The following PTPRU variants were observed in gnomAD, a reference collection of about 807,000 sequenced individuals.
PTPRU encodes the protein receptor-type tyrosine-protein phosphatase U.
PTPRU carries 69 observed loss-of-function variants against 166.3 expected under a neutral mutation model. The observed-to-expected ratio is 0.41, with a 90% CI of 0.34 to 0.51. The LOEUF (loss-of-function observed/expected upper bound fraction) is 0.51, where lower values mean the gene tolerates loss of function less well. PTPRU is among the 20% of genes least tolerant of loss of function. PTPRU has a pLI of 0.09. For missense variants in PTPRU, 1,657 were observed against 2,013.7 expected (o/e 0.82, Z 3.39); for synonymous variants, 793 against 814.0 (o/e 0.97, Z 0.44).
chr1:29,236,557 C>T lies in PTPRU; in HGVS notation c.-88C>T. The T allele has an allele frequency of 2.9e-6, 3 of 1,032,950 alleles. No homozygotes were observed. Among genetic ancestry groups the T allele is most frequent in the Non-Finnish European group, 3.6e-6 (3 of 830,124 alleles). The allele number at this position is 1,032,950 out of a possible 1,614,324, so 64.0% of individuals were successfully genotyped here. A position where few individuals can be genotyped will look rare whatever the true frequency, so the allele number is the denominator to read the frequency against. On this transcript the variant is annotated 5_prime_UTR_variant, in exon 1 of 30. Transcript: ENST00000373779. The surrounding 1 kb of genome is among the most constrained non-coding windows in gnomAD (Gnocchi z 4.6). ...CGCGCCGCGCCGCTCCGCTCCGGCT[C>T]GGGCTCCGGCTCGCCTCGGGCTGGG...
In PTPRU at chr1:29,267,240, A is replaced by G. The variant is rs536606395; in HGVS notation, c.1144+6337A>G. ...CAAGATCTTATCTAGAGACAAACAAACCAGCAATACAAAAAACTCCAGTGT... is the reference window on the plus strand; with the variant it reads ...CAAGATCTTATCTAGAGACAAACAAGCCAGCAATACAAAAAACTCCAGTGT... On this transcript the variant is annotated intron_variant, in intron 7 of 29. Transcript: ENST00000373779. Among the ~76,000 whole-genome samples the G allele has an allele frequency of 6.3e-4, 96 of 152,244 alleles. 3 individuals carry two copies. The South Asian group carries it at 0.019, about 31-fold the overall frequency.
rs1684964678 is a variant in PTPRU at position 29,259,888 on chromosome 1, GT to G, written c.695del (p.Val232GlyfsTer23). On this transcript the variant is annotated frameshift_variant, in exon 6 of 30. Transcript: ENST00000373779. LOFTEE classifies it high-confidence loss of function. The part of the protein sequence containing the change: ...FLLQRQSGAL[V>X]PAAGVRHISH... ...CCTGCAGCGGCAGAGCGGGGCGCTG[GT>G]GCCGGCGGCGGGCGTGCGGCACATC... 1.3e-6 allele frequency: 2 copies of G among 1,531,536 alleles called. No homozygotes were observed. The highest frequency in any genetic ancestry group is 1.7e-6 in the Non-Finnish European group (2 of 1,145,484). The allele number at this position is 1,531,536 out of a possible 1,614,324, so 94.9% of individuals were successfully genotyped here. A position where few individuals can be genotyped will look rare whatever the true frequency, so the allele number is the denominator to read the frequency against.
intron 15 of PTPRU, among the ~76,000 whole-genome samples, chr1:29,302,751 A>C (rs1687194163): frequency 6.6e-6 from 1 of 152,048 alleles, no homozygotes; most frequent in Non-Finnish European, 1.5e-5. Context: ...GGGTTTCACC[A>C]TGTTGGCCAG....
At chr1:29,325,447 G>T (rs769120138) in intron 29 of PTPRU, 121 bp downstream of exon 29, 1 of 1,515,472 alleles carries the variant, frequency 6.6e-7, no homozygotes, top group Non-Finnish European at 9.1e-7. Context: ...CTAGCCCTGT[G>T]GTCCTAAAAC....
Position 29,271,289 on chromosome 1 carries a change from C to T in PTPRU, c.1145-4159C>T, listed in dbSNP as rs74818205. On this transcript the variant is annotated intron_variant, in intron 7 of 29. Coordinates refer to ENST00000373779, the MANE Select transcript of PTPRU (RefSeq NM_133178.4). The surrounding 1 kb of genome is among the most constrained non-coding windows in gnomAD (Gnocchi z 4.4). ...AGTTGAAGAGAGTGTGTCTGGGTGC[C>T]AGATGGTTTTTAGAAACGTGGAGAA... is the stretch of plus-strand genomic sequence containing the variant. Among the ~76,000 whole-genome samples, 302 of 152,248 alleles carry T rather than the reference C, an allele frequency of 2.0e-3. 3 individuals carry two copies. The highest frequency in any genetic ancestry group is 6.7e-3 in the African/African-American group (278 of 41,540).
At chr1:29,289,793 T>G in intron 14 of PTPRU, 2 of 1,523,074 alleles carry the variant, frequency 1.3e-6, no homozygotes, top group Admixed American at 3.6e-5. Context: ...TGGTTGGGCT[T>G]AGTCTCGCTG....
At chr1:29,251,489 G>A (rs1453665315) in intron 1 of PTPRU, among the ~76,000 whole-genome samples, 3 of 152,222 alleles carry the variant, frequency 2.0e-5, no homozygotes, top group Admixed American at 2.0e-4. Flanking sequence ...AACAGGGACA[G>A]TCAGCTGGGA....
At chr1:29,251,954 C>G (rs188673175) in intron 1 of PTPRU, among the ~76,000 whole-genome samples, 1 of 152,330 alleles carries the variant, frequency 6.6e-6, no homozygotes, top group Admixed American at 6.5e-5. Context: ...TCTGTACTTG[C>G]CATGTTCTTT....
chr1:29,249,158 GCACA>G (rs113055972), intron 1 of PTPRU, among the ~76,000 whole-genome samples: 1 of 85,092 alleles, frequency 1.2e-5, no homozygotes, highest in Non-Finnish European at 3.0e-5. Flanking sequence ...GTGCACGTGT[GCACA>G]CACACACACG....
At chr1:29,270,207 T>C (rs1435135721) in intron 7 of PTPRU, among the ~76,000 whole-genome samples, 1 of 152,178 alleles carries the variant, frequency 6.6e-6, no homozygotes, top group Non-Finnish European at 1.5e-5. Flanking sequence ...TGGTAATGAC[T>C]GTAGGCTGGT....
In PTPRU at chr1:29,271,482, G is replaced by T. The variant is rs1459021227; in HGVS notation, c.1145-3966G>T. 1.3e-5 allele frequency among the ~76,000 whole-genome samples: 2 copies of T among 152,222 alleles called. No individual in the cohort carries two copies. Among genetic ancestry groups the T allele is most frequent in the Non-Finnish European group, 2.9e-5 (2 of 68,034 alleles). ...ACCTGGGTGGATGGGAGGTGGCACA[G>T]TTGTCAAAGAATGAGATGCCTAAGT... On this transcript the variant is annotated intron_variant, in intron 7 of 29. Transcript: ENST00000373779. The surrounding 1 kb of genome is among the most constrained non-coding windows in gnomAD (Gnocchi z 4.4).
At chr1:29,305,696 AAGAGGTG>A in intron 18 of PTPRU, 1 of 638,790 alleles carries the variant, frequency 1.6e-6, no homozygotes, top group East Asian at 3.4e-5. Context: ...CAGCTAGGCC[AAGAGGTG>A]AGGAAGGCGG....
chr1:29,319,851 T>G, intron 25 of PTPRU, among the ~76,000 whole-genome samples: 1 of 145,584 alleles, frequency 6.9e-6, no homozygotes, highest in African/African-American at 2.5e-5. Flanking sequence ...AGGGGGGACA[T>G]GGCACAGGGT....
rs376564476 is a variant in PTPRU at position 29,310,731 on chromosome 1, C to T, written c.2821-13C>T. The stretch of plus-strand genomic sequence containing the variant: ...TCCCTGGGGTCTAACCGTGCCCTCT[C>T]CTCCTGTTCCAGGGTTACCACAGGT... On this transcript the variant is annotated splice_polypyrimidine_tract_variant and intron_variant, in intron 18 of 29. Transcript: ENST00000373779. 7 of 1,613,322 alleles carry T rather than the reference C, an allele frequency of 4.3e-6. No individual in the cohort carries two copies. The highest frequency in any genetic ancestry group is 5.9e-6 in the Non-Finnish European group (7 of 1,179,294).
intron 2 of PTPRU, among the ~76,000 whole-genome samples, chr1:29,256,014 C>T (rs1206179035): frequency 6.6e-6 from 1 of 152,196 alleles, no homozygotes; most frequent in Non-Finnish European, 1.5e-5. Flanking sequence ...CTAGAACACT[C>T]ATTCCAGAGT....
rs2151963325 is a variant in PTPRU at position 29,303,925 on chromosome 1, C to T, written c.2547C>T (p.Gly849=). The change falls in exon 16 of 30, where the codon GGC becomes GGT. Residue 849 remains glycine, a synonymous_variant. Transcript: ENST00000373779. The stretch of plus-strand genomic sequence containing the variant: ...GGGGCTCCCCGAGGCGTCCCTGTGG[C>T]CGGAAGGGCTCCCCATACCACACGG... ...LLGGSPRRPC[G]RKGSPYHTGQ... 6.2e-7 allele frequency: 1 copy of T among 1,613,952 alleles called. No individual in the cohort carries two copies. Among genetic ancestry groups the T allele is most frequent in the Non-Finnish European group, 8.5e-7 (1 of 1,179,814 alleles).
chr1:29,240,056 C>T (rs189953636), intron 1 of PTPRU, among the ~76,000 whole-genome samples: 4 of 152,210 alleles, frequency 2.6e-5, no homozygotes, highest in Admixed American at 2.6e-4. Context: ...GACCCAAATG[C>T]CCACAGCCTG....
At chr1:29,252,957 T>C (rs1031953793) in intron 1 of PTPRU, among the ~76,000 whole-genome samples, 1 of 152,160 alleles carries the variant, frequency 6.6e-6, no homozygotes, top group African/African-American at 2.4e-5. Context: ...GACTGCCTCC[T>C]CCTCCAGACA....
intron 1 of PTPRU, among the ~76,000 whole-genome samples, chr1:29,243,901 GCCATTT>G (rs1257973341): frequency 5.2e-4 from 79 of 152,278 alleles, no homozygotes; most frequent in African/African-American, 1.8e-3. Flanking sequence ...GTTGGGGGCT[GCCATTT>G]CCTGCAGAAT....
Sources: gnomAD v4.1 joint callset for allele counts (sites outside exome capture counted in the v4.1 genomes callset) on GRCh38, gnomAD v4.1.1 for gene constraint, Gnocchi (gnomAD v3.1) non-coding constraint, MANE v1.5 for transcripts, NCBI Gene and HGNC (gene_info 2026-07-23, HGNC 2026-07-21) for gene names.